Variants in TRAPPC12 observed in about 807,000 individuals in gnomAD.
TRAPPC12 encodes trafficking protein particle complex subunit 12, also known as TPR repeat protein 15.
A neutral mutation model predicts 69.2 loss-of-function variants in TRAPPC12; 61 were observed. The ratio of observed to expected loss-of-function variants is 0.88; its 90% confidence interval spans 0.72 to 1.09. The LOEUF (loss-of-function observed/expected upper bound fraction) is 1.09. TRAPPC12 is among the 50% of genes least tolerant of loss of function. The probability of loss-of-function intolerance (pLI) is 0.00; values close to 1 mark genes in which losing one functional copy is unlikely to be tolerated. For missense variants in TRAPPC12, 1,101 were observed against 1,016.4 expected (o/e 1.08, Z -1.13); for synonymous variants, 469 against 438.9 (o/e 1.07, Z -0.86).
At position 3,388,541 on chromosome 2, in the gene TRAPPC12, G is replaced by C. The variant is rs756028186; in HGVS notation, c.918G>C (p.Arg306Ser). 8.7e-5 allele frequency: 140 copies of C among 1,613,012 alleles called. No homozygotes were observed. Among genetic ancestry groups the C allele is most frequent in the Admixed American group, 8.3e-5 (5 of 59,978 alleles). Residue 306 changes from arginine to serine, a missense_variant, in exon 2 of 12, where the codon AGG becomes AGC. Physicochemically the swap from Arg to Ser is moderately radical, Grantham distance 110. Transcript: ENST00000324266. ...TGAGCATGAGCGAGATGGACCGGAG[G>C]AACGACGCCTGGCTTCCCGGCGAGG... ...TALSMSEMDR[R>S]NDAWLPGEAT...
chr2:3,477,718 A>G lies in TRAPPC12; in HGVS notation c.1800A>G (p.Glu600=), dbSNP rs1666355723. 1.0e-5 allele frequency: 16 copies of G among 1,607,240 alleles called. No individual in the cohort carries two copies. The highest frequency in any genetic ancestry group is 1.4e-5 in the Non-Finnish European group (16 of 1,177,644). Reference sequence around the variant, plus strand: ...AGATTGGAGACATAAAAACAGCTGAAAAGTATTTTCAAGACGTTGAGAAAG... The same window carrying G: ...AGATTGGAGACATAAAAACAGCTGAGAAGTATTTTCAAGACGTTGAGAAAG... ...SLQIGDIKTA[E]KYFQDVEKVT... Residue 600 remains glutamate, a synonymous_variant, in exon 10 of 12, where the codon GAA becomes GAG. Coordinates refer to ENST00000324266, the MANE Select transcript of TRAPPC12 (RefSeq NM_016030.6).
intron 8 of TRAPPC12, among the ~76,000 whole-genome samples, chr2:3,462,368 A>G (rs371165153): frequency 5.9e-5 from 9 of 152,296 alleles, no homozygotes; most frequent in African/African-American, 2.2e-4. Flanking sequence ...TTCATGAGTT[A>G]AAAAAAGGAG....
intron 5 of TRAPPC12, among the ~76,000 whole-genome samples, chr2:3,438,970 G>A (rs1188256825): frequency 6.6e-6 from 1 of 152,124 alleles, no homozygotes; most frequent in Non-Finnish European, 1.5e-5. Flanking sequence ...CTCTAGGACT[G>A]TGATTGCTGG....
At chr2:3,463,033 A>C (rs1372092197) in intron 8 of TRAPPC12, 1 of 457,416 alleles carries the variant, frequency 2.2e-6, no homozygotes, top group Non-Finnish European at 4.6e-6. Flanking sequence ...GCTGAAAAGA[A>C]ATGGTGAAGA....
chr2:3,402,995 G>A (rs1398925310), intron 3 of TRAPPC12, among the ~76,000 whole-genome samples: 4 of 152,116 alleles, frequency 2.6e-5, no homozygotes, highest in African/African-American at 7.2e-5. Context: ...TTGGGAATAA[G>A]TCCCACCGGC....
At chr2:3,451,535 T>G (rs563642133) in intron 6 of TRAPPC12, among the ~76,000 whole-genome samples, 12 of 152,278 alleles carry the variant, frequency 7.9e-5, no homozygotes, top group Non-Finnish European at 1.3e-4. Context: ...CTTTTTTGTT[T>G]TTTTGAGACA....
At chr2:3,430,231 C>T (rs1663353128) in intron 5 of TRAPPC12, among the ~76,000 whole-genome samples, 1 of 152,180 alleles carries the variant, frequency 6.6e-6, no homozygotes, top group Non-Finnish European at 1.5e-5. Flanking sequence ...TATGGGCATC[C>T]TTGTACATTT....
rs75476685 is a variant in TRAPPC12, at chr2:3,407,998, T to TG, written c.1164+6107dup. Among the ~76,000 whole-genome samples the TG allele has an allele frequency of 7.4e-3, 1,134 of 152,290 alleles. 32 individuals are homozygous for TG. The East Asian group carries it at 0.079, about 11-fold the overall frequency. The stretch of plus-strand genomic sequence containing the variant: ...CACATCCCACCTTGGAAGGATGTGC[T>TG]GGTTCCTCCTGGCCGGTCGTCCCCT... On this transcript the variant is annotated intron_variant, in intron 3 of 11. Coordinates refer to ENST00000324266, the MANE Select transcript of TRAPPC12 (RefSeq NM_016030.6).
chr2:3,465,561 T>A, intron 8 of TRAPPC12, 36 bp from the exon 9 acceptor site: 1 of 1,437,152 alleles, frequency 7.0e-7, no homozygotes, highest in South Asian at 1.1e-5. Flanking sequence ...AGTGCTGTTC[T>A]CAGCTCTAAA....
Position 3,392,576 on chromosome 2 carries a change from A to G in TRAPPC12, c.1047+3906A>G, listed in dbSNP as rs1660884650. Among the ~76,000 whole-genome samples, 3 of 152,218 alleles carry G rather than the reference A, an allele frequency of 2.0e-5. No homozygotes were observed. The South Asian group carries it at 6.2e-4, about 31-fold the overall frequency. ...AAATGACTAATTGTATTTCTCTCAG[A>G]AGGATCTCTGTTTAAGTCAAAGAAC... On this transcript the variant is annotated intron_variant, in intron 2 of 11. Transcript: ENST00000324266.
At chr2:3,422,355 G>T (rs532698696) in intron 4 of TRAPPC12, among the ~76,000 whole-genome samples, 1 of 152,206 alleles carries the variant, frequency 6.6e-6, no homozygotes, top group African/African-American at 2.4e-5. Context: ...AGTTGGTTCT[G>T]TCCACCCCAA....
In TRAPPC12 at chr2:3,458,035, C is replaced by T. The variant is rs538769647; in HGVS notation, c.1603+342C>T. ...AAGGGGCCCAGAGGGGCCTCTGCGT[C>T]GGGGAGAGAGGCCTCTGCGTCGGGG... On this transcript the variant is annotated intron_variant, in intron 7 of 11. Coordinates refer to ENST00000324266, the MANE Select transcript of TRAPPC12 (RefSeq NM_016030.6). 9.2e-5 allele frequency: 98 copies of T among 1,062,138 alleles called. No homozygotes were observed. In the East Asian group the frequency reaches 1.1e-3, roughly 12 times the overall value. 65.8% of individuals were successfully genotyped at this position (1,062,138 alleles called of 1,614,324 possible).
chr2:3,395,770 C>T (rs1661096103), intron 2 of TRAPPC12, among the ~76,000 whole-genome samples: 2 of 150,902 alleles, frequency 1.3e-5, no homozygotes, highest in African/African-American at 4.9e-5. Context: ...CACTCTGTCA[C>T]TCAGGCTGGA....
chr2:3,383,900 T>TTTTTTTTTTTTTTG (rs1660365747), intron 1 of TRAPPC12, among the ~76,000 whole-genome samples: 1 of 74,354 alleles, frequency 1.3e-5, no homozygotes, highest in African/African-American at 6.3e-5. Flanking sequence ...TTTTTTTTTT[T>TTTTTTTTTTTTTTG]TTTTTTTTTT....
intron 9 of TRAPPC12, 112 bp downstream of exon 9, chr2:3,465,807 T>C (rs1408029776): frequency 5.1e-6 from 4 of 785,506 alleles, no homozygotes; most frequent in South Asian, 3.0e-5. Context: ...GCAGAAAATA[T>C]TCCAATTCAA....
intron 6 of TRAPPC12, among the ~76,000 whole-genome samples, 189 bp downstream of exon 6, chr2:3,444,080 G>A (rs527976125): frequency 6.6e-6 from 1 of 152,204 alleles, no homozygotes; most frequent in Non-Finnish European, 1.5e-5. Context: ...CTTTTTTAGG[G>A]ATGGTAAGAG....
At chr2:3,379,929 C>G (rs1432724938) in intron 1 of TRAPPC12, 53 bp downstream of exon 1, 1 of 152,522 alleles carries the variant, frequency 6.6e-6, no homozygotes, top group Non-Finnish European at 1.5e-5. Flanking sequence ...GTAGCGCCAC[C>G]TCGGGGAGGG....
chr2:3,474,900 G>C (rs1441097198), intron 9 of TRAPPC12, among the ~76,000 whole-genome samples: 1 of 152,118 alleles, frequency 6.6e-6, no homozygotes, highest in Admixed American at 6.6e-5. Context: ...GGATTTTTCT[G>C]TGTTTCTGGG....
Position 3,465,513 on chromosome 2 carries a change from T to C in TRAPPC12, c.1678-84T>C, listed in dbSNP as rs530980881. 3.2e-6 allele frequency: 3 copies of C among 931,530 alleles called. No individual in the cohort carries two copies. The African/African-American group carries it at 4.8e-5, about 15-fold the overall frequency. The allele number at this position is 931,530 out of a possible 1,614,324, so 57.7% of individuals were successfully genotyped here. On this transcript the variant is annotated intron_variant, in intron 8 of 11. Transcript: ENST00000324266. ...GCGTGTCCTCTCTCTACACCGCGTC[T>C]GTATACACTTGTGCTCTTCTACACG...
Sources: allele counts gnomAD v4.1 joint callset (sites outside exome capture counted in the v4.1 genomes callset), GRCh38; gene constraint gnomAD v4.1.1; transcripts MANE v1.5; gene names NCBI Gene and HGNC (gene_info 2026-07-23, HGNC 2026-07-21).